The following CUX1 variants were observed in gnomAD, a reference collection of about 807,000 sequenced individuals.
CUX1 encodes the protein protein CASP.
Under a neutral mutation model 158.8 loss-of-function variants are expected in CUX1, and 31 were observed. That is an observed-to-expected ratio of 0.20 (90% confidence interval 0.15 to 0.26). The LOEUF (loss-of-function observed/expected upper bound fraction) is 0.26. CUX1 is among the 10% of genes least tolerant of loss of function. CUX1 has a pLI of 1.00. For missense variants in CUX1, 1,589 were observed against 2,014.6 expected (o/e 0.79, Z 4.04); for synonymous variants, 879 against 862.1 (o/e 1.02, Z -0.34).
At chr7:102,273,242 C>A in intron 14 of CUX1, 1 of 1,334,782 alleles carries the variant, frequency 7.5e-7, no homozygotes, top group Non-Finnish European at 1.0e-6. Flanking sequence ...AGGGAATAGC[C>A]AGCACTCTCA....
At chr7:101,992,784 G>GC (rs936349893) in intron 2 of CUX1, among the ~76,000 whole-genome samples, 5 of 117,024 alleles carry the variant, frequency 4.3e-5, no homozygotes, top group African/African-American at 1.3e-4. Flanking sequence ...CGCCCCCGCC[G>GC]CCCCCCTCCA....
At chr7:102,047,104 C>T (rs1822907802) in intron 3 of CUX1, among the ~76,000 whole-genome samples, 1 of 152,148 alleles carries the variant, frequency 6.6e-6, no homozygotes, top group African/African-American at 2.4e-5. Context: ...GCATGTATGC[C>T]AGGCTAGACC....
intron 1 of CUX1, among the ~76,000 whole-genome samples, chr7:101,858,484 T>G (rs1290566946): frequency 2.0e-5 from 3 of 152,140 alleles, no homozygotes; most frequent in Admixed American, 2.0e-4. Context: ...GATCCCCTAC[T>G]TATAAAACCT....
In CUX1 at chr7:102,251,950, AT is replaced by A; in HGVS notation, c.*2911del. ...GCAGTCATTTTGACCCTCCCAAGCA[AT>A]TTAGTCATATGTGTTGTTTTCTCTT... On this transcript the variant is annotated 3_prime_UTR_variant, in exon 24 of 24. Transcript: ENST00000292535. The A allele has an allele frequency of 2.0e-6, 2 of 985,372 alleles. No individual in the cohort carries two copies. Among genetic ancestry groups the A allele is most frequent in the Non-Finnish European group, 2.4e-6 (2 of 829,928 alleles). The allele number at this position is 985,372 out of a possible 1,614,324, so 61.0% of individuals were successfully genotyped here. A position where few individuals can be genotyped will look rare whatever the true frequency, so the allele number is the denominator to read the frequency against.
At chr7:101,904,514 C>T (rs1802533706) in intron 1 of CUX1, among the ~76,000 whole-genome samples, 1 of 151,846 alleles carries the variant, frequency 6.6e-6, no homozygotes, top group Middle Eastern at 3.4e-3. Context: ...ATCAAATGAT[C>T]TCTCAGAATC....
chr7:102,255,746 C>G lies in CUX1; in HGVS notation c.*6704C>G. The G allele has an allele frequency of 1.0e-6, 1 of 985,378 alleles. No individual in the cohort carries two copies. The highest frequency in any genetic ancestry group is 1.2e-6 in the Non-Finnish European group (1 of 829,936). The allele number at this position is 985,378 out of a possible 1,614,324, so 61.0% of individuals were successfully genotyped here. A position where few individuals can be genotyped will look rare whatever the true frequency, so the allele number is the denominator to read the frequency against. On this transcript the variant is annotated 3_prime_UTR_variant, in exon 24 of 24. Transcript: ENST00000292535. ...GGACTTCTGCTGGTGAAACAAGAGACCATTCAGCAAGACACATTGAAGTGG... is the reference window on the plus strand; with the variant it reads ...GGACTTCTGCTGGTGAAACAAGAGAGCATTCAGCAAGACACATTGAAGTGG...
chr7:102,046,476 A>G (rs1585406160), intron 3 of CUX1, among the ~76,000 whole-genome samples: 1 of 148,936 alleles, frequency 6.7e-6, no homozygotes, highest in Non-Finnish European at 1.5e-5. Context: ...CAAGTGATCC[A>G]CCTGCCTCAG....
chr7:102,193,554 C>G (rs1001431739), intron 12 of CUX1, among the ~76,000 whole-genome samples: 1 of 152,154 alleles, frequency 6.6e-6, no homozygotes, highest in Non-Finnish European at 1.5e-5. Flanking sequence ...CCTGTAATAC[C>G]AACACTTTGG....
chr7:102,118,301 C>T (rs2131158033), intron 8 of CUX1, among the ~76,000 whole-genome samples: 1 of 152,234 alleles, frequency 6.6e-6, no homozygotes. Context: ...ACTTTGGGAG[C>T]CTGAGGCGGG....
intron 2 of CUX1, among the ~76,000 whole-genome samples, chr7:101,966,948 T>C (rs1018856980): frequency 2.6e-5 from 4 of 152,116 alleles, no homozygotes; most frequent in African/African-American, 9.7e-5. Flanking sequence ...ATTTGACAGA[T>C]CCATCCCAGC....
In CUX1 at chr7:102,253,921, T is replaced by C; in HGVS notation, c.*4879T>C. The C allele has an allele frequency of 1.1e-5, 11 of 985,648 alleles. No individual in the cohort carries two copies. The highest frequency in any genetic ancestry group is 4.7e-5 in the South Asian group (1 of 21,290). The allele number at this position is 985,648 out of a possible 1,614,324, so 61.1% of individuals were successfully genotyped here. ...TCCTCCCTCTTCTTCACACTCCTCATTGTCCCTTCTACCTCACTAACCTGT... is the reference window on the plus strand; with the variant it reads ...TCCTCCCTCTTCTTCACACTCCTCACTGTCCCTTCTACCTCACTAACCTGT... On this transcript the variant is annotated 3_prime_UTR_variant, in exon 24 of 24. Coordinates refer to ENST00000292535, the MANE Select transcript of CUX1 (RefSeq NM_181552.4).
At chr7:102,083,279 G>T (rs1827637898) in intron 4 of CUX1, among the ~76,000 whole-genome samples, 1 of 147,126 alleles carries the variant, frequency 6.8e-6, no homozygotes, top group East Asian at 1.9e-4. Context: ...TGCTTTCATA[G>T]ATTTTTATTT....
chr7:102,210,524 T>G (rs1246759633), intron 20 of CUX1, among the ~76,000 whole-genome samples: 4 of 152,238 alleles, frequency 2.6e-5, no homozygotes, highest in Non-Finnish European at 5.9e-5. Context: ...ACTTTGTAAC[T>G]TTTTAATGTG....
At chr7:102,011,426 A>G (rs1430532023) in intron 2 of CUX1, among the ~76,000 whole-genome samples, 1 of 151,792 alleles carries the variant, frequency 6.6e-6, no homozygotes, top group African/African-American at 2.4e-5. Flanking sequence ...TTGGAGACAA[A>G]CATGGTCTCT....
chr7:102,009,749 A>C (rs1396055969), intron 2 of CUX1, among the ~76,000 whole-genome samples: 1 of 152,268 alleles, frequency 6.6e-6, no homozygotes, highest in Non-Finnish European at 1.5e-5. Flanking sequence ...CAGGTTGGCC[A>C]AGGGCCTTGG....
In CUX1 at chr7:102,227,247, A is replaced by AC. The variant is rs1798430699; in HGVS notation, c.3131-117dup. ...AACAGTTCACTAAGACCCACAGAAA[A>AC]CCCTACCGTCTGCTTCTCCTACAGA... is the stretch of plus-strand genomic sequence containing the variant. On this transcript the variant is annotated intron_variant, in intron 20 of 23. Coordinates refer to ENST00000292535, the MANE Select transcript of CUX1 (RefSeq NM_181552.4). 4.7e-6 allele frequency: 4 copies of AC among 853,090 alleles called. No homozygotes were observed. The East Asian group carries it at 9.8e-5, about 21-fold the overall frequency. The allele number at this position is 853,090 out of a possible 1,614,324, so 52.8% of individuals were successfully genotyped here.
At chr7:102,226,385 C>T (rs1798349356) in intron 20 of CUX1, among the ~76,000 whole-genome samples, 1 of 152,200 alleles carries the variant, frequency 6.6e-6, no homozygotes, top group South Asian at 2.1e-4. Context: ...CCTTGCCTCT[C>T]TCCATCTTCC....
chr7:101,912,671 G>A (rs1418896816), intron 1 of CUX1, among the ~76,000 whole-genome samples: 1 of 152,178 alleles, frequency 6.6e-6, no homozygotes, highest in African/African-American at 2.4e-5. Flanking sequence ...GCGAGCATAT[G>A]GATGGATATT....
rs1472200101 is a variant in CUX1 at position 102,236,079 on chromosome 7, G to GA, written c.3622+1841dup. Reference sequence around the variant, plus strand: ...TTAGATGTCCTTATCCAGGAAATACGAACCTCGGTGCTTCATGCAGCCTAG... The same window carrying GA: ...TTAGATGTCCTTATCCAGGAAATACGAAACCTCGGTGCTTCATGCAGCCTAG... On this transcript the variant is annotated intron_variant, in intron 22 of 23. Coordinates refer to ENST00000292535, the MANE Select transcript of CUX1 (RefSeq NM_181552.4). Among the ~76,000 whole-genome samples the GA allele has an allele frequency of 2.0e-5, 3 of 152,186 alleles. No homozygotes were observed. In the East Asian group the frequency reaches 5.8e-4, roughly 29 times the overall value.
Sources: allele counts gnomAD v4.1 joint callset (sites outside exome capture counted in the v4.1 genomes callset), GRCh38; gene constraint gnomAD v4.1.1; transcripts MANE v1.5; gene names NCBI Gene and HGNC (gene_info 2026-07-23, HGNC 2026-07-21).